The following PLXDC2 variants were observed in gnomAD, a reference collection of about 807,000 sequenced individuals.
The protein encoded by PLXDC2 is plexin domain-containing protein 2.
In PLXDC2, 40 loss-of-function variants were observed where a neutral mutation model predicts 68.9. The observed-to-expected ratio is 0.58, with a 90% CI of 0.45 to 0.76. PLXDC2 has a LOEUF of 0.76. Ranked by LOEUF, PLXDC2 falls within the 30% of genes least tolerant of loss-of-function variation. PLXDC2 has a pLI of 0.00. For missense variants in PLXDC2, 644 were observed against 661.9 expected, an observed-to-expected ratio of 0.97 and a Z score of 0.30; for synonymous variants, 243 against 234.2, an observed-to-expected ratio of 1.04 and a Z score of -0.34.
At chr10:19,848,047 C>T (rs530077798) in intron 1 of PLXDC2, among the ~76,000 whole-genome samples, 70 of 152,184 alleles carry the variant, frequency 4.6e-4, no homozygotes, top group Middle Eastern at 3.4e-3. Context: ...AAGTCTGGTG[C>T]GGTGGCTCAT....
rs372780077 is a variant in PLXDC2 at position 20,009,113 on chromosome 10, C to T, written c.324+7127C>T. Among the ~76,000 whole-genome samples, 100 of 152,270 alleles carry T rather than the reference C, an allele frequency of 6.6e-4. No individual in the cohort carries two copies. The South Asian group carries it at 0.02, about 31-fold the overall frequency. On this transcript the variant is annotated intron_variant, in intron 2 of 13. Transcript: ENST00000377252. ...AGCTCACTCAATTTCAGAGGTCTGA[C>T]AGTTACAATAATGAATGTAACTATA...
At chr10:20,057,067 TATC>T (rs1836010967) in intron 3 of PLXDC2, among the ~76,000 whole-genome samples, 1 of 152,170 alleles carries the variant, frequency 6.6e-6, no homozygotes, top group Non-Finnish European at 1.5e-5. Flanking sequence ...ACTTAATTCT[TATC>T]ATCTTTTCTG....
intron 1 of PLXDC2, among the ~76,000 whole-genome samples, chr10:19,963,547 T>A (rs1451690761): frequency 6.6e-6 from 1 of 152,102 alleles, no homozygotes; most frequent in Non-Finnish European, 1.5e-5. Flanking sequence ...GGGGCATGGA[T>A]GAAACTGGAA....
At chr10:20,226,312 A>C (rs1036269050) in intron 12 of PLXDC2, among the ~76,000 whole-genome samples, 9 of 152,188 alleles carry the variant, frequency 5.9e-5, no homozygotes, top group African/African-American at 1.7e-4. Context: ...TCCAACCCTC[A>C]GCAGCTATTG....
intron 12 of PLXDC2, among the ~76,000 whole-genome samples, chr10:20,236,996 TG>T (rs151224266): frequency 0.21 from 32,229 of 150,570 alleles, 3,419 homozygotes; most frequent in East Asian, 0.25. Flanking sequence ...GATTATGAGT[TG>T]TTGTTTTTTT....
intron 1 of PLXDC2, among the ~76,000 whole-genome samples, chr10:19,867,139 C>T (rs1157673695): frequency 6.9e-6 from 1 of 145,698 alleles, no homozygotes; most frequent in African/African-American, 2.6e-5. Flanking sequence ...GATCTTGGCT[C>T]ACTGCAATAT....
chr10:20,133,577 C>T (rs979926176), intron 4 of PLXDC2, among the ~76,000 whole-genome samples: 32 of 152,184 alleles, frequency 2.1e-4, no homozygotes, highest in Non-Finnish European at 2.9e-5. Context: ...GGTAGCCTTA[C>T]AGACCTTCCC....
chr10:19,865,529 C>T (rs987256737), intron 1 of PLXDC2, among the ~76,000 whole-genome samples: 4 of 152,120 alleles, frequency 2.6e-5, no homozygotes, highest in South Asian at 2.1e-4. Flanking sequence ...GTCTTTCCTA[C>T]GTCATTATCA....
At chr10:20,257,971 T>C (rs958993069) in intron 13 of PLXDC2, among the ~76,000 whole-genome samples, 1 of 150,584 alleles carries the variant, frequency 6.6e-6, no homozygotes, top group Non-Finnish European at 1.5e-5. Flanking sequence ...CAAATAAGCC[T>C]TTTTGTGATT....
intron 9 of PLXDC2, among the ~76,000 whole-genome samples, chr10:20,198,039 G>T (rs1589676567): frequency 6.6e-6 from 1 of 152,086 alleles, no homozygotes. Flanking sequence ...TAAATTTTCT[G>T]TCCTAAAGGT....
intron 1 of PLXDC2, among the ~76,000 whole-genome samples, chr10:19,873,808 G>C (rs961550772): frequency 1.3e-5 from 2 of 152,182 alleles, no homozygotes; most frequent in African/African-American, 4.8e-5. Context: ...GTAAGATTAG[G>C]GGTGTTTGGT....
At chr10:20,236,122 G>A (rs1341713432) in intron 12 of PLXDC2, among the ~76,000 whole-genome samples, 6 of 152,078 alleles carry the variant, frequency 3.9e-5, no homozygotes, top group East Asian at 3.9e-4. Context: ...GGTAGAAGCC[G>A]AGACACATTT....
chr10:20,260,122 A>G (rs911300603), intron 13 of PLXDC2, among the ~76,000 whole-genome samples: 3 of 151,948 alleles, frequency 2.0e-5, no homozygotes, highest in African/African-American at 7.3e-5. Flanking sequence ...ATACATATAT[A>G]TCCATAGTGA....
At chr10:19,975,099 T>A (rs1834427263) in intron 1 of PLXDC2, among the ~76,000 whole-genome samples, 1 of 152,220 alleles carries the variant, frequency 6.6e-6, no homozygotes, top group African/African-American at 2.4e-5. Flanking sequence ...TTTCTACTTA[T>A]ATCTAAATAA....
intron 1 of PLXDC2, among the ~76,000 whole-genome samples, chr10:19,881,266 C>G (rs1259221924): frequency 6.6e-6 from 1 of 152,092 alleles, no homozygotes; most frequent in African/African-American, 2.4e-5. Flanking sequence ...CAGACATGTG[C>G]CACCATGCCT....
chr10:19,979,787 A>T (rs1281288389), intron 1 of PLXDC2, among the ~76,000 whole-genome samples: 7 of 152,214 alleles, frequency 4.6e-5, no homozygotes, highest in Admixed American at 3.3e-4. Context: ...GGTTAGTTAC[A>T]TGACTAAACG....
At chr10:20,273,164 G>A (rs993704792) in intron 13 of PLXDC2, among the ~76,000 whole-genome samples, 8 of 152,316 alleles carry the variant, frequency 5.3e-5, no homozygotes, top group African/African-American at 1.9e-4. Flanking sequence ...TCTGAACCTT[G>A]TGGAATTCTT....
chr10:20,046,720 T>G, intron 2 of PLXDC2, 149 bp from the exon 3 acceptor site: 1 of 694,106 alleles, frequency 1.4e-6, no homozygotes, highest in East Asian at 2.8e-5. Flanking sequence ...ATTTACTTAT[T>G]TAATCCAAAT....
intron 2 of PLXDC2, among the ~76,000 whole-genome samples, chr10:20,041,180 G>C (rs1165645865): frequency 1.3e-5 from 2 of 152,044 alleles, no homozygotes; most frequent in African/African-American, 2.4e-5. Context: ...ATCACCCATT[G>C]GTTGATTTAG....
Sources: allele counts gnomAD v4.1 joint callset (sites outside exome capture counted in the v4.1 genomes callset), GRCh38; gene constraint gnomAD v4.1.1; transcripts MANE v1.5; gene names NCBI Gene and HGNC (gene_info 2026-07-23, HGNC 2026-07-21).